The following TRHDE variants were observed in gnomAD, a reference collection of about 807,000 sequenced individuals.
The protein encoded by TRHDE is thyrotropin-releasing hormone-degrading ectoenzyme.
Under a neutral mutation model 125.7 loss-of-function variants are expected in TRHDE, and 72 were observed. The ratio of observed to expected loss-of-function variants is 0.57; its 90% CI spans 0.47 to 0.70. The LOEUF is 0.70. Ranked by LOEUF, TRHDE falls within the 30% of genes least tolerant of loss-of-function variation. The pLI, the probability that TRHDE is intolerant of heterozygous loss-of-function variation, is 0.00. For missense variants in TRHDE, 1,110 were observed against 1,327.1 expected, an observed-to-expected ratio of 0.84 and a Z score of 2.54; for synonymous variants, 509 against 509.1, an observed-to-expected ratio of 1.00 and a Z score of 0.00.
chr12:72,179,330 TAG>T (rs1877049908), intron 2 of TRHDE, among the ~76,000 whole-genome samples: 1 of 152,156 alleles, frequency 6.6e-6, no homozygotes, highest in South Asian at 2.1e-4. Flanking sequence ...AGTTTTGTTA[TAG>T]ATTTGTCCCG....
At chr12:72,554,229 A>T (rs369602785) in intron 7 of TRHDE, among the ~76,000 whole-genome samples, 107 of 152,130 alleles carry the variant, frequency 7.0e-4, no homozygotes, top group Middle Eastern at 6.8e-3. Context: ...TTTTGACACC[A>T]GCCCTTTTTT....
chr12:72,315,338 T>C (rs765130813), intron 2 of TRHDE, among the ~76,000 whole-genome samples: 18 of 152,204 alleles, frequency 1.2e-4, no homozygotes, highest in Non-Finnish European at 2.2e-4. Context: ...CCGATAGGTC[T>C]TATACAAGTT....
chr12:72,367,777 A>G (rs948765774), intron 2 of TRHDE, among the ~76,000 whole-genome samples: 3 of 152,100 alleles, frequency 2.0e-5, no homozygotes, highest in African/African-American at 7.2e-5. Context: ...AAAGAGGGGG[A>G]CTAGTTTTTC....
chr12:72,161,655 C>A (rs551910872), intron 2 of TRHDE, among the ~76,000 whole-genome samples: 76 of 152,216 alleles, frequency 5.0e-4, no homozygotes, highest in African/African-American at 1.8e-3. Flanking sequence ...AACTTTTGTA[C>A]TGGAAGATAA....
intron 2 of TRHDE, among the ~76,000 whole-genome samples, chr12:72,360,628 G>A (rs569046593): frequency 1.3e-5 from 2 of 151,648 alleles, no homozygotes; most frequent in African/African-American, 2.4e-5. Flanking sequence ...CTGGTAAGAT[G>A]TAAATTGGTA....
At chr12:72,443,564 G>C (rs1875127149) in intron 3 of TRHDE, among the ~76,000 whole-genome samples, 1 of 151,640 alleles carries the variant, frequency 6.6e-6, no homozygotes, top group South Asian at 2.1e-4. Flanking sequence ...TTAAAAATAA[G>C]GAAAACTTTT....
chr12:72,377,271 A>G (rs1429858155), intron 2 of TRHDE, among the ~76,000 whole-genome samples: 1 of 149,824 alleles, frequency 6.7e-6, no homozygotes, highest in Admixed American at 6.6e-5. Flanking sequence ...TACAATTGTT[A>G]GTTTTGTTCA....
At chr12:72,658,835 T>A (rs1592600754) in intron 18 of TRHDE, among the ~76,000 whole-genome samples, 1 of 152,316 alleles carries the variant, frequency 6.6e-6, no homozygotes, top group East Asian at 1.9e-4. Context: ...ACTCTGGAGT[T>A]ATTTACTCTG....
At chr12:72,199,202 A>G (rs571439303) in intron 2 of TRHDE, among the ~76,000 whole-genome samples, 3 of 152,266 alleles carry the variant, frequency 2.0e-5, no homozygotes, top group East Asian at 3.9e-4. Context: ...CTTTGACTGG[A>G]GTGACTCTGT....
chr12:72,244,085 CA>C (rs1878530669), intron 2 of TRHDE, among the ~76,000 whole-genome samples: 1 of 152,096 alleles, frequency 6.6e-6, no homozygotes, highest in Non-Finnish European at 1.5e-5. Context: ...GACTGGTATT[CA>C]GTATGAGGCT....
At chr12:72,401,173 T>C (rs1348985816) in intron 3 of TRHDE, among the ~76,000 whole-genome samples, 8 of 152,180 alleles carry the variant, frequency 5.3e-5, no homozygotes, top group Admixed American at 6.5e-5. Context: ...GTATTTGTCT[T>C]GTTTAAAGGC....
intron 2 of TRHDE, among the ~76,000 whole-genome samples, chr12:72,122,016 G>T (rs1875594163): frequency 6.6e-6 from 1 of 151,966 alleles, no homozygotes; most frequent in African/African-American, 2.4e-5. Context: ...CCTGTCTTTG[G>T]CTTTGTGGTA....
chr12:72,407,896 A>G (rs1393134244), intron 3 of TRHDE, among the ~76,000 whole-genome samples: 1 of 152,208 alleles, frequency 6.6e-6, no homozygotes, highest in Non-Finnish European at 1.5e-5. Flanking sequence ...CATGACCTTG[A>G]TGCTTAGCAA....
intron 2 of TRHDE, among the ~76,000 whole-genome samples, chr12:72,336,838 C>T (rs559269721): frequency 1.5e-4 from 23 of 152,246 alleles, no homozygotes; most frequent in East Asian, 5.8e-4. Context: ...TTGGGCAGAG[C>T]GCTCATAACC....
chr12:72,300,378 ACAC>A (rs1880460476), intron 2 of TRHDE, among the ~76,000 whole-genome samples: 1 of 140,126 alleles, frequency 7.1e-6, no homozygotes, highest in Non-Finnish European at 1.5e-5. Flanking sequence ...ACACACACAC[ACAC>A]ACACACACAC....
chr12:72,256,642 T>A (rs1878821586), intron 2 of TRHDE: 1 of 152,188 alleles, frequency 6.6e-6, no homozygotes, highest in African/African-American at 2.4e-5. Context: ...AATGAATGAA[T>A]GAATGAATAG....
intron 2 of TRHDE, chr12:72,258,147 T>C (rs1294385858): frequency 6.6e-6 from 1 of 152,064 alleles, no homozygotes; most frequent in East Asian, 1.9e-4. Flanking sequence ...AATAGGTTCT[T>C]CCAGTAGGGT....
intron 2 of TRHDE, among the ~76,000 whole-genome samples, chr12:72,138,031 C>T (rs1177976273): frequency 6.6e-6 from 1 of 152,178 alleles, no homozygotes; most frequent in African/African-American, 2.4e-5. Flanking sequence ...GGCCTCGCCC[C>T]AGGCTAATGA....
At chr12:72,422,545 T>G (rs1874003494) in intron 3 of TRHDE, among the ~76,000 whole-genome samples, 1 of 152,214 alleles carries the variant, frequency 6.6e-6, no homozygotes. Context: ...ACAAAATGGT[T>G]TCATTTCAAT....
Sources: gnomAD v4.1 joint callset for allele counts (sites outside exome capture counted in the v4.1 genomes callset) on GRCh38, gnomAD v4.1.1 for gene constraint, MANE v1.5 for transcripts, NCBI Gene and HGNC (gene_info 2026-07-23, HGNC 2026-07-21) for gene names.